TSC2: variants seen among roughly 807,000 people sequenced by gnomAD.
TSC2 encodes the protein TSC complex subunit 2.
A neutral mutation model predicts 202.2 loss-of-function variants in TSC2; 29 were observed. The observed-to-expected ratio is 0.14, with a 90% CI of 0.11 to 0.20. The LOEUF (loss-of-function observed/expected upper bound fraction) is 0.20. TSC2 is among the 10% of genes least tolerant of loss of function. The probability of loss-of-function intolerance (pLI) is 1.00; values close to 1 mark genes in which losing one functional copy is unlikely to be tolerated. For missense variants in TSC2, 2,429 were observed against 2,420.0 expected (o/e 1.00, Z -0.08); for synonymous variants, 1,349 against 1,044.0 (o/e 1.29, Z -5.63).
At chr16:2,086,137 C>A (rs1008205093) in intron 36 of TSC2, 56 bp from the exon 37 acceptor site, 1 of 1,602,320 alleles carries the variant, frequency 6.2e-7, no homozygotes, top group Non-Finnish European at 8.5e-7. Flanking sequence ...CCACCCTCTG[C>A]GGGGCAGGGC....
rs1596280654 is a variant in TSC2 at position 2,057,135 on chromosome 16, G to A, written c.805G>A (p.Gly269Ser). 1 of 1,551,670 alleles carries A rather than the reference G, an allele frequency of 6.4e-7. No individual in the cohort carries two copies. ...GCGGAACCTCCTTGGCACCCACCTG[G>A]GCCACAGCGCCATCTACAACATGTG... ...LMRNLLGTHL[G>S]HSAIYNMCHL... Residue 269 changes from glycine (G) to serine (S), a missense_variant, in exon 9 of 42, where the codon GGC becomes AGC. Physicochemically the swap from Gly to Ser is moderately conservative, Grantham distance 56 (BLOSUM62 0). Transcript: ENST00000219476.
At chr16:2,063,759 T>C in intron 14 of TSC2, 14 of 206,068 alleles carry the variant, frequency 6.8e-5, no homozygotes, top group South Asian at 3.3e-4. Flanking sequence ...GTCCTCTGGC[T>C]TCTCCCATCA....
rs2088362557 is a variant in TSC2 at position 2,071,424 on chromosome 16, T to C, written c.1840-86T>C. The C allele has an allele frequency of 3.5e-6, 5 of 1,413,072 alleles. No homozygotes were observed. The East Asian group carries it at 7.1e-5, about 20-fold the overall frequency. The allele number at this position is 1,413,072 out of a possible 1,614,324, so 87.5% of individuals were successfully genotyped here. ...GGCCTTTTCTGAGTGCCTGTGGTGC[T>C]GGACGTGGGTCTGAGCAGGTGGGAC... is the stretch of plus-strand genomic sequence containing the variant. On this transcript the variant is annotated intron_variant, in intron 17 of 41. Coordinates refer to ENST00000219476, the MANE Select transcript of TSC2 (RefSeq NM_000548.5).
chr16:2,060,886 T>C, intron 11 of TSC2, 73 bp downstream of exon 11: 6 of 1,569,624 alleles, frequency 3.8e-6, no homozygotes, highest in Non-Finnish European at 5.2e-6. Flanking sequence ...CAGAAGATGG[T>C]ACCTTGGGCC....
Position 2,071,806 on chromosome 16 carries a change from A to C in TSC2, c.1969A>C (p.Lys657Gln), listed in dbSNP as rs45488199. The change falls in exon 19 of 42, where the codon AAG (lysine) becomes CAG (glutamine). Residue 657 changes from lysine to glutamine, a missense_variant. Lys to Gln is a moderately conservative substitution (Grantham distance 53, BLOSUM62 1). Transcript: ENST00000219476. ...CAGGGAGCCAGAGAGAGGCTCTGAG[A>C]AGAAGACCAGCGGCCCCCTTTCTCC... is the stretch of plus-strand genomic sequence containing the variant. The part of the protein sequence containing the change: ...DYMEPERGSE[K>Q]KTSGPLSPPT... 20 of 1,605,376 alleles carry C rather than the reference A, an allele frequency of 1.2e-5. No homozygotes were observed. The Middle Eastern group carries it at 4.9e-4, about 40-fold the overall frequency.
chr16:2,060,049 A>G (rs1054168324), intron 10 of TSC2, among the ~76,000 whole-genome samples: 10 of 151,838 alleles, frequency 6.6e-5, no homozygotes, highest in African/African-American at 2.4e-4. Flanking sequence ...CCTCGGGGGT[A>G]GCCGTTCTCT....
At chr16:2,082,356 C>G in intron 31 of TSC2, 80 bp from the exon 32 acceptor site, 4 of 1,522,734 alleles carry the variant, frequency 2.6e-6, no homozygotes, top group Non-Finnish European at 3.6e-6. Context: ...CCTCTGCAGG[C>G]ACGGGGCCTG....
chr16:2,073,561 C>T (rs953149923), intron 21 of TSC2, among the ~76,000 whole-genome samples: 3 of 152,378 alleles, frequency 2.0e-5, no homozygotes, highest in Non-Finnish European at 4.4e-5. Flanking sequence ...CGGGCCTCAG[C>T]TTCTGATGGT....
rs1247558739 is a variant in TSC2, at chr16:2,050,636, C to T, written c.225+150C>T. 58 of 652,312 alleles carry T rather than the reference C, an allele frequency of 8.9e-5. 1 individual carries two copies. Among genetic ancestry groups the T allele is most frequent in the South Asian group, 8.2e-4 (48 of 58,602 alleles). The allele number at this position is 652,312 out of a possible 1,614,324, so 40.4% of individuals were successfully genotyped here. ...TTTTTTTTTGAGATGGAGTCTTGCT[C>T]TGTCGCCCAGGCTGGCACAATCTTG... On this transcript the variant is annotated intron_variant, in intron 3 of 41. Coordinates refer to ENST00000219476, the MANE Select transcript of TSC2 (RefSeq NM_000548.5).
chr16:2,054,217 C>A, intron 4 of TSC2, 79 bp from the exon 5 acceptor site: 2 of 1,609,510 alleles, frequency 1.2e-6, no homozygotes, highest in Non-Finnish European at 1.7e-6. Flanking sequence ...GTCCGGGTGC[C>A]CCTGCACTTC....
chr16:2,083,884 G>A (rs983988939), intron 33 of TSC2, 68 bp downstream of exon 33: 73 of 1,557,662 alleles, frequency 4.7e-5, no homozygotes, highest in Non-Finnish European at 5.9e-5. Flanking sequence ...AGGGCTCTGC[G>A]TGGGTGTGCC....
intron 16 of TSC2, among the ~76,000 whole-genome samples, chr16:2,068,933 G>C (rs2087801606): frequency 6.6e-6 from 1 of 151,456 alleles, no homozygotes; most frequent in East Asian, 1.9e-4. Context: ...TCCTTAAGTG[G>C]AAGTGGCTCA....
At chr16:2,061,309 TGATGTACAGGA>T (rs1259081798) in intron 11 of TSC2, 35 of 281,084 alleles carry the variant, frequency 1.2e-4, no homozygotes, top group Admixed American at 2.9e-4. Flanking sequence ...CTGGGGCGGG[TGATGTACAGGA>T]GGCCAGGCAG....
chr16:2,072,084 A>C, intron 19 of TSC2, 150 bp downstream of exon 19: 2 of 1,496,720 alleles, frequency 1.3e-6, no homozygotes, highest in South Asian at 2.5e-5. Flanking sequence ...GAGCAGCTGC[A>C]GGGACAGAGG....
chr16:2,053,208 G>A, intron 3 of TSC2, 134 bp from the exon 4 acceptor site: 1 of 868,104 alleles, frequency 1.2e-6, no homozygotes, highest in Non-Finnish European at 1.9e-6. Context: ...GGAGATACGA[G>A]CTTTGGAGGT....
At chr16:2,056,555 C>G (rs2085854093) in intron 7 of TSC2, 89 bp from the exon 8 acceptor site, 1 of 1,559,798 alleles carries the variant, frequency 6.4e-7, no homozygotes, top group Non-Finnish European at 8.6e-7. Flanking sequence ...GCAGCGCAGG[C>G]TGAAGGAGGT....
chr16:2,073,067 T>C, intron 21 of TSC2, 84 bp downstream of exon 21: 1 of 1,594,450 alleles, frequency 6.3e-7, no homozygotes, highest in East Asian at 2.3e-5. Flanking sequence ...ATTTTTCTCA[T>C]AAACGAGTTT....
intron 16 of TSC2, chr16:2,068,920 T>A (rs2087799590): frequency 1.3e-5 from 2 of 150,826 alleles, no homozygotes; most frequent in Admixed American, 6.6e-5. Context: ...ATACATTTCC[T>A]GTTCCTTAAG....
At chr16:2,059,456 C>G (rs1446151433) in intron 10 of TSC2, among the ~76,000 whole-genome samples, 1 of 147,780 alleles carries the variant, frequency 6.8e-6, no homozygotes, top group Non-Finnish European at 1.5e-5. Flanking sequence ...CATTCTGCCT[C>G]AGCCTCCTGA....
Sources: gnomAD v4.1 joint callset for allele counts (sites outside exome capture counted in the v4.1 genomes callset) on GRCh38, gnomAD v4.1.1 for gene constraint, MANE v1.5 for transcripts, NCBI Gene and HGNC (gene_info 2026-07-23, HGNC 2026-07-21) for gene names.